The following ADAMTSL1 variants were observed in gnomAD, a reference collection of about 807,000 sequenced individuals.
The protein encoded by ADAMTSL1 is ADAMTS-like protein 1.
In ADAMTSL1, 126 loss-of-function variants were observed where a neutral mutation model predicts 201.8. That is an observed-to-expected ratio of 0.62 (90% CI 0.54 to 0.72). The LOEUF (loss-of-function observed/expected upper bound fraction) is 0.72. Ranked by LOEUF, ADAMTSL1 falls within the 30% of genes least tolerant of loss-of-function variation. The pLI is 0.00. For missense variants in ADAMTSL1, 2,679 were observed against 2,277.8 expected (o/e 1.18, Z -3.59); for synonymous variants, 1,121 against 903.4 (o/e 1.24, Z -4.32).
chr9:18,599,024 GTC>G (rs1440299762), intron 4 of ADAMTSL1, among the ~76,000 whole-genome samples: 1 of 152,138 alleles, frequency 6.6e-6, no homozygotes, highest in East Asian at 1.9e-4. Context: ...GAGGATTTCT[GTC>G]TCCTCCCTAC....
chr9:18,343,969 C>T (rs1351890415), intron 2 of ADAMTSL1, among the ~76,000 whole-genome samples: 1 of 152,144 alleles, frequency 6.6e-6, no homozygotes, highest in African/African-American at 2.4e-5. Context: ...GAGAATGTCT[C>T]TTGCTACAAT....
chr9:18,681,770 G>C, intron 11 of ADAMTSL1, 42 bp from the exon 12 acceptor site: 1 of 1,472,620 alleles, frequency 6.8e-7, no homozygotes, highest in Non-Finnish European at 9.1e-7. Context: ...AGTAAACAAG[G>C]CTTTGCCTAC....
In ADAMTSL1 at chr9:18,909,533, G is replaced by C. The variant is rs543758453; in HGVS notation, c.*985G>C. 2 of 152,410 alleles carry C rather than the reference G, an allele frequency of 1.3e-5. No individual in the cohort carries two copies. The highest frequency in any genetic ancestry group is 2.1e-4 in the South Asian group (1 of 4,824). The allele number at this position is 152,410 out of a possible 1,614,324, so 9.4% of individuals were successfully genotyped here. A position where few individuals can be genotyped will look rare whatever the true frequency, so the allele number is the denominator to read the frequency against. On this transcript the variant is annotated 3_prime_UTR_variant, in exon 29 of 29. Transcript: ENST00000380548. ...ACTAACTAACTGCTGCTGTGGGCCA[G>C]GGCCATTTTGAGCATGAATGGCCCA...
At chr9:18,555,633 A>T (rs921786578) in intron 3 of ADAMTSL1, among the ~76,000 whole-genome samples, 2 of 151,996 alleles carry the variant, frequency 1.3e-5, no homozygotes, top group East Asian at 3.8e-4. Context: ...ACAGGGTGCT[A>T]TGGCATCCCA....
At chr9:18,019,367 A>G (rs1248417118) in intron 1 of ADAMTSL1, among the ~76,000 whole-genome samples, 1 of 152,118 alleles carries the variant, frequency 6.6e-6, no homozygotes, top group Non-Finnish European at 1.5e-5. Context: ...AAAATAGCTT[A>G]TCAGCAAAGA....
intron 1 of ADAMTSL1, among the ~76,000 whole-genome samples, chr9:17,991,901 C>T: frequency 6.6e-6 from 1 of 152,094 alleles, no homozygotes; most frequent in South Asian, 2.1e-4. Context: ...GGCCCTGCCC[C>T]CGTGGTACCC....
At chr9:18,208,246 A>T (rs1418888341) in intron 2 of ADAMTSL1, among the ~76,000 whole-genome samples, 1 of 152,204 alleles carries the variant, frequency 6.6e-6, no homozygotes, top group Non-Finnish European at 1.5e-5. Context: ...TTATTATCCC[A>T]GGTTAGAAAG....
rs72686852 is a variant in ADAMTSL1 at position 18,315,329 on chromosome 9, C to T, written c.207+151348C>T. ...AGCTGGCTTCGCCTAGTGCATCCCG[C>T]GCCAGGGTCGCAGGCGGAGCTGCCT... On this transcript the variant is annotated intron_variant, in intron 2 of 29. Coordinates refer to the ADAMTSL1 transcript ENST00000680146. 5.6e-3 allele frequency among the ~76,000 whole-genome samples: 855 copies of T among 152,258 alleles called. 5 individuals carry two copies. The highest frequency in any genetic ancestry group is 7.2e-3 in the Non-Finnish European group (491 of 68,032).
intron 1 of ADAMTSL1, among the ~76,000 whole-genome samples, chr9:18,124,980 G>T (rs1825671366): frequency 6.6e-6 from 1 of 152,122 alleles, no homozygotes. Flanking sequence ...GTTTGGTATT[G>T]CTAGGAGAGG....
chr9:18,098,780 C>G (rs761627175), intron 1 of ADAMTSL1, among the ~76,000 whole-genome samples: 2 of 152,156 alleles, frequency 1.3e-5, no homozygotes, highest in Non-Finnish European at 2.9e-5. Flanking sequence ...AGGATTCCAG[C>G]CAATTCACCT....
chr9:18,882,373 C>T (rs539448267), intron 23 of ADAMTSL1, among the ~76,000 whole-genome samples: 9 of 152,058 alleles, frequency 5.9e-5, no homozygotes, highest in African/African-American at 1.2e-4. Flanking sequence ...TAGGGAGACA[C>T]GCATTTGCCT....
At position 18,315,010 on chromosome 9, in the gene ADAMTSL1, A is replaced by G. The variant is rs1356021858; in HGVS notation, c.207+151029A>G. On this transcript the variant is annotated intron_variant, in intron 2 of 29. Coordinates refer to the ADAMTSL1 transcript ENST00000680146. ...ACGGGGTTTCACCGTGTTAGCCAGG[A>G]TGGTCTCGATCTCCTGACCTCGTGA... 2.7e-5 allele frequency among the ~76,000 whole-genome samples: 4 copies of G among 148,550 alleles called. No individual in the cohort carries two copies. In the East Asian group the frequency reaches 5.9e-4, roughly 22 times the overall value.
chr9:18,247,870 T>C (rs1300712149), intron 2 of ADAMTSL1, among the ~76,000 whole-genome samples: 1 of 148,362 alleles, frequency 6.7e-6, no homozygotes, highest in East Asian at 1.9e-4. Context: ...GCATGCCTGG[T>C]ATATATATGT....
intron 4 of ADAMTSL1, among the ~76,000 whole-genome samples, chr9:18,609,119 A>G (rs555924370): frequency 6.6e-6 from 1 of 152,308 alleles, no homozygotes; most frequent in African/African-American, 2.4e-5. Flanking sequence ...AAGAATGACT[A>G]TGAGAAATCT....
intron 2 of ADAMTSL1, among the ~76,000 whole-genome samples, chr9:18,280,428 C>A (rs1269521586): frequency 6.8e-6 from 1 of 146,486 alleles, no homozygotes; most frequent in South Asian, 2.1e-4. Context: ...AAGCAACTTT[C>A]TTTTTAATCC....
chr9:18,342,547 T>C (rs1351461545), intron 2 of ADAMTSL1, among the ~76,000 whole-genome samples: 1 of 152,160 alleles, frequency 6.6e-6, no homozygotes, highest in Non-Finnish European at 1.5e-5. Flanking sequence ...TATCACTTTT[T>C]ACTTATTAAA....
At chr9:18,494,938 A>C (rs902523656) in intron 1 of ADAMTSL1, among the ~76,000 whole-genome samples, 4 of 152,186 alleles carry the variant, frequency 2.6e-5, no homozygotes, top group Admixed American at 1.3e-4. Flanking sequence ...GATAACTGGG[A>C]ATGATGAAGA....
intron 23 of ADAMTSL1, among the ~76,000 whole-genome samples, chr9:18,842,555 C>T (rs150306043): frequency 1.2e-3 from 188 of 152,118 alleles, no homozygotes; most frequent in African/African-American, 4.3e-3. Flanking sequence ...CTATTAGGTC[C>T]GCTTGGTGCA....
intron 2 of ADAMTSL1, among the ~76,000 whole-genome samples, chr9:18,206,793 A>G (rs1386877332): frequency 6.6e-6 from 1 of 152,136 alleles, no homozygotes; most frequent in Non-Finnish European, 1.5e-5. Context: ...CGTGGAGTTG[A>G]TCCCTAAATT....
Sources: allele counts gnomAD v4.1 joint callset (sites outside exome capture counted in the v4.1 genomes callset), GRCh38; gene constraint gnomAD v4.1.1; transcripts MANE v1.5; gene names NCBI Gene and HGNC (gene_info 2026-07-23, HGNC 2026-07-21).